IMMP2L: variants seen among roughly 807,000 people sequenced by gnomAD.
IMMP2L encodes inner mitochondrial membrane peptidase subunit 2, also known as mitochondrial inner membrane protease subunit 2.
Under a neutral mutation model 19.3 loss-of-function variants are expected in IMMP2L, and 18 were observed. The observed-to-expected ratio is 0.93, with a 90% CI of 0.64 to 1.38. The LOEUF (loss-of-function observed/expected upper bound fraction) is 1.38, where lower values mean the gene tolerates loss of function less well. IMMP2L is among the 40% of genes most tolerant of loss of function. IMMP2L has a pLI of 0.00. For synonymous variants in IMMP2L, 76 were observed against 73.0 expected, an observed-to-expected ratio of 1.04 and a Z score of -0.21; for missense variants, 233 against 218.2, an observed-to-expected ratio of 1.07 and a Z score of -0.43.
intron 3 of IMMP2L, among the ~76,000 whole-genome samples, chr7:111,281,118 GAA>G (rs1819669724): frequency 1.5e-5 from 1 of 66,102 alleles, no homozygotes; most frequent in Non-Finnish European, 2.6e-5. Context: ...GAGAAAGAGA[GAA>G]AGAGAGAAAG....
chr7:111,265,727 T>C (rs1305402926), intron 3 of IMMP2L, among the ~76,000 whole-genome samples: 4 of 152,144 alleles, frequency 2.6e-5, no homozygotes, highest in Admixed American at 6.6e-5. Flanking sequence ...CAGAGTGAGA[T>C]GATCCAGGTT....
chr7:111,078,999 G>A (rs916297788), intron 3 of IMMP2L, among the ~76,000 whole-genome samples: 2 of 151,826 alleles, frequency 1.3e-5, no homozygotes, highest in South Asian at 2.1e-4. Context: ...CAAAGTGCTG[G>A]GATTACATTG....
At chr7:111,081,138 C>T (rs541258162) in intron 3 of IMMP2L, among the ~76,000 whole-genome samples, 6 of 152,222 alleles carry the variant, frequency 3.9e-5, no homozygotes, top group African/African-American at 1.2e-4. Context: ...TGTTGGGATG[C>T]CCCATTAAAT....
chr7:111,486,224 T>A (rs565931948), intron 3 of IMMP2L, among the ~76,000 whole-genome samples: 1 of 152,224 alleles, frequency 6.6e-6, no homozygotes, highest in Non-Finnish European at 1.5e-5. Flanking sequence ...TTGGTTAATA[T>A]GTTTTCAAAT....
At chr7:110,717,865 A>C (rs1373852463) in intron 5 of IMMP2L, among the ~76,000 whole-genome samples, 2 of 152,228 alleles carry the variant, frequency 1.3e-5, no homozygotes, top group African/African-American at 4.8e-5. Context: ...GTCAAAGAGC[A>C]GGAATTATTA....
At chr7:110,676,375 A>C (rs992109749) in intron 5 of IMMP2L, among the ~76,000 whole-genome samples, 1 of 152,264 alleles carries the variant, frequency 6.6e-6, no homozygotes, top group Non-Finnish European at 1.5e-5. Context: ...ATTTACAAAA[A>C]CAGGCAGCGA....
intron 5 of IMMP2L, among the ~76,000 whole-genome samples, chr7:110,809,938 C>T (rs1801907132): frequency 6.6e-6 from 1 of 152,028 alleles, no homozygotes. Context: ...TTTACATACA[C>T]TTTGGAAACA....
intron 5 of IMMP2L, among the ~76,000 whole-genome samples, chr7:110,695,715 G>C (rs1173039633): frequency 6.6e-6 from 1 of 152,100 alleles, no homozygotes; most frequent in Non-Finnish European, 1.5e-5. Context: ...GCATAATGTA[G>C]GGTGCTTCCT....
intron 5 of IMMP2L, among the ~76,000 whole-genome samples, chr7:110,677,589 T>C (rs189662157): frequency 6.6e-6 from 1 of 152,138 alleles, no homozygotes. Flanking sequence ...CTGACTGATA[T>C]GCACTCAAAG....
At position 110,728,936 on chromosome 7, in the gene IMMP2L, G is replaced by T. The variant is rs903408424; in HGVS notation, c.409-65215C>A. On this transcript the variant is annotated intron_variant, in intron 5 of 5. Transcript: ENST00000405709. The surrounding 1 kb of genome is among the most constrained non-coding windows in gnomAD (Gnocchi z 4.6). ...TTTGTTTTGTTTTGTTTTCACCCAGGCTGGACTGCAATGGCGCGATCTCAG... is the reference window on the plus strand; with the variant it reads ...TTTGTTTTGTTTTGTTTTCACCCAGTCTGGACTGCAATGGCGCGATCTCAG... Among the ~76,000 whole-genome samples the T allele has an allele frequency of 2.6e-5, 4 of 152,080 alleles. No homozygotes were observed. The highest frequency in any genetic ancestry group is 2.1e-4 in the South Asian group (1 of 4,826).
rs1350465443 is a variant in IMMP2L at position 111,313,724 on chromosome 7, AAAT to A, written c.239+173511_239+173513del. ...TCAGAGGAAACAGACAAAATACAGT[AAAT>A]AATAACTAGACTATGTGTATCAGGT... On this transcript the variant is annotated intron_variant, in intron 3 of 5. Transcript: ENST00000405709. Among the ~76,000 whole-genome samples the A allele has an allele frequency of 2.6e-5, 4 of 152,148 alleles. 1 individual carries two copies. The highest frequency in any genetic ancestry group is 5.9e-5 in the Non-Finnish European group (4 of 68,028).
At chr7:111,505,126 GAAAA>G in intron 2 of IMMP2L, among the ~76,000 whole-genome samples, 1 of 150,954 alleles carries the variant, frequency 6.6e-6, no homozygotes, top group East Asian at 1.9e-4. Context: ...AAATTTACAA[GAAAA>G]AAAACAAACA....
intron 3 of IMMP2L, among the ~76,000 whole-genome samples, chr7:111,165,091 C>T (rs1006161490): frequency 6.6e-6 from 1 of 151,948 alleles, no homozygotes; most frequent in Non-Finnish European, 1.5e-5. Context: ...TCCCCACATC[C>T]GGGGCCCCTG....
chr7:111,293,477 G>C (rs1430858845), intron 3 of IMMP2L, among the ~76,000 whole-genome samples: 1 of 151,586 alleles, frequency 6.6e-6, no homozygotes. Flanking sequence ...AGTCTACGCA[G>C]CTAGCAAACC....
intron 3 of IMMP2L, among the ~76,000 whole-genome samples, chr7:111,200,068 G>A (rs1263177929): frequency 2.0e-5 from 3 of 152,036 alleles, no homozygotes; most frequent in Admixed American, 2.0e-4. Flanking sequence ...TGAAGATATT[G>A]AAGTTTTAAT....
chr7:110,965,685 T>TA (rs1327969782), intron 3 of IMMP2L, among the ~76,000 whole-genome samples: 1 of 151,944 alleles, frequency 6.6e-6, no homozygotes, highest in Admixed American at 6.6e-5. Context: ...TCTCCTATTT[T>TA]AAAAACTAGG....
rs564161099 is a variant in IMMP2L, at chr7:110,726,749, T to C, written c.409-63028A>G. Among the ~76,000 whole-genome samples, 140 of 152,302 alleles carry C rather than the reference T, an allele frequency of 9.2e-4. 1 individual carries two copies. The highest frequency in any genetic ancestry group is 5.9e-4 in the Admixed American group (9 of 15,302). ...TGCGTATAGACTGGTGTCTGACCCA[T>C]GTATATGAGAAACCTAAAGTCCAAG... On this transcript the variant is annotated intron_variant, in intron 5 of 5. Transcript: ENST00000405709.
intron 3 of IMMP2L, among the ~76,000 whole-genome samples, chr7:111,450,838 A>G (rs1839073467): frequency 6.7e-6 from 1 of 150,014 alleles, no homozygotes; most frequent in Non-Finnish European, 1.5e-5. Context: ...TCCAGAATCT[A>G]CAATGAACTC....
At position 110,738,659 on chromosome 7, in the gene IMMP2L, C is replaced by T. The variant is rs545298608; in HGVS notation, c.409-74938G>A. 1.3e-3 allele frequency among the ~76,000 whole-genome samples: 198 copies of T among 152,254 alleles called. 1 individual carries two copies. Among genetic ancestry groups the T allele is most frequent in the Admixed American group, 3.3e-3 (51 of 15,290 alleles). On this transcript the variant is annotated intron_variant, in intron 5 of 5. Transcript: ENST00000405709. The stretch of plus-strand genomic sequence containing the variant: ...TGGAAAACACATTTGAGGAAATAGT[C>T]GAAGAAAACTTCCCCAGCCTTGCTA...
Sources: gnomAD v4.1 joint callset for allele counts (sites outside exome capture counted in the v4.1 genomes callset) on GRCh38, gnomAD v4.1.1 for gene constraint, Gnocchi (gnomAD v3.1) non-coding constraint, MANE v1.5 for transcripts, NCBI Gene and HGNC (gene_info 2026-07-23, HGNC 2026-07-21) for gene names.